Variants in PHACTR3 observed in about 807,000 individuals in gnomAD.
The protein encoded by PHACTR3 is protein phosphatase 1, regulatory subunit 123.
Under a neutral mutation model 66.8 loss-of-function variants are expected in PHACTR3, and 16 were observed. That is an observed-to-expected ratio of 0.24 (90% CI 0.16 to 0.36). PHACTR3 has a LOEUF of 0.36. Ranked by LOEUF, PHACTR3 falls within the 10% of genes least tolerant of loss-of-function variation. The pLI is 1.00. For synonymous variants in PHACTR3, 323 were observed against 292.1 expected (o/e 1.11, Z -1.08); for missense variants, 647 against 719.9 (o/e 0.90, Z 1.16).
intron 2 of PHACTR3, among the ~76,000 whole-genome samples, chr20:59,747,489 G>T (rs915645945): frequency 6.6e-6 from 1 of 152,210 alleles, no homozygotes; most frequent in Non-Finnish European, 1.5e-5. Context: ...CGTTATATGT[G>T]CAGGGGCTTT....
At position 59,666,812 on chromosome 20, in the gene PHACTR3, C is replaced by A. The variant is rs12480955; in HGVS notation, c.118+61680C>A. Reference sequence around the variant, plus strand: ...GGACATGCAGGGCAGGCTCGCGGTCCAGGTCCTGAGATCCAGAGAAGTCCC... The same window carrying A: ...GGACATGCAGGGCAGGCTCGCGGTCAAGGTCCTGAGATCCAGAGAAGTCCC... On this transcript the variant is annotated intron_variant, in intron 1 of 12. Transcript: ENST00000371015. Among the ~76,000 whole-genome samples, 9 of 152,324 alleles carry A rather than the reference C, an allele frequency of 5.9e-5. No individual in the cohort carries two copies. In the South Asian group the frequency reaches 1.4e-3, roughly 25 times the overall value.
chr20:59,787,251 C>T (rs2040945783), intron 7 of PHACTR3, among the ~76,000 whole-genome samples: 1 of 152,240 alleles, frequency 6.6e-6, no homozygotes, highest in African/African-American at 2.4e-5. Context: ...CACAGGCGTT[C>T]TCGCAGAGGA....
At chr20:59,769,435 G>A (rs574062998) in intron 5 of PHACTR3, among the ~76,000 whole-genome samples, 6 of 152,328 alleles carry the variant, frequency 3.9e-5, no homozygotes, top group Non-Finnish European at 5.9e-5. Flanking sequence ...TCCACAGAAC[G>A]CCAAGAATTT....
rs536203267 is a variant in PHACTR3, at chr20:59,782,170, C to T, written c.1174+7680C>T. Among the ~76,000 whole-genome samples the T allele has an allele frequency of 1.4e-4, 21 of 152,306 alleles. No individual in the cohort carries two copies. The East Asian group carries it at 4.1e-3, about 29-fold the overall frequency. On this transcript the variant is annotated intron_variant, in intron 7 of 12. Transcript: ENST00000371015. Reference sequence around the variant, plus strand: ...AAAGGTGTATTAGTCCGTTTTCACACTGCTGATAAAAACATACCTGAGACT... The same window carrying T: ...AAAGGTGTATTAGTCCGTTTTCACATTGCTGATAAAAACATACCTGAGACT...
chr20:59,809,324 C>T (rs966636856), intron 8 of PHACTR3, among the ~76,000 whole-genome samples: 1 of 152,112 alleles, frequency 6.6e-6, no homozygotes, highest in Non-Finnish European at 1.5e-5. Flanking sequence ...GTTGGGACAG[C>T]CCTGCCGCTC....
intron 1 of PHACTR3, among the ~76,000 whole-genome samples, chr20:59,693,572 T>C (rs2037186343): frequency 6.6e-6 from 1 of 152,220 alleles, no homozygotes; most frequent in African/African-American, 2.4e-5. Flanking sequence ...TGTCTGTAGC[T>C]TCACTACTTC....
At chr20:59,771,416 G>T (rs2040356293) in intron 5 of PHACTR3, among the ~76,000 whole-genome samples, 2 of 152,144 alleles carry the variant, frequency 1.3e-5, no homozygotes, top group South Asian at 4.1e-4. Context: ...TGCAGCCCCT[G>T]CCCTGCCTGG....
chr20:59,841,628 C>A, intron 11 of PHACTR3, 93 bp downstream of exon 11: 3 of 1,347,978 alleles, frequency 2.2e-6, no homozygotes, highest in Non-Finnish European at 3.0e-6. Flanking sequence ...ACAATGGGAG[C>A]CCTCAACTAT....
intron 1 of PHACTR3, 119 bp from the exon 2 acceptor site, chr20:59,742,988 G>A (rs1016387059): frequency 6.8e-6 from 8 of 1,175,370 alleles, no homozygotes; most frequent in African/African-American, 6.2e-5. Flanking sequence ...CCATCCTGGG[G>A]TCCAGGCTTT....
intron 1 of PHACTR3, among the ~76,000 whole-genome samples, chr20:59,695,267 T>G (rs2037255734): frequency 6.6e-6 from 1 of 152,186 alleles, no homozygotes. Context: ...AAGAGGGGCC[T>G]GGTGGGAGGT....
At chr20:59,782,397 G>T (rs2040754564) in intron 7 of PHACTR3, among the ~76,000 whole-genome samples, 1 of 152,108 alleles carries the variant, frequency 6.6e-6, no homozygotes. Context: ...GATTACAGGT[G>T]CATACCACCA....
At chr20:59,755,424 G>C in intron 4 of PHACTR3, 60 bp downstream of exon 4, 2 of 1,554,376 alleles carry the variant, frequency 1.3e-6, no homozygotes, top group Non-Finnish European at 1.7e-6. Flanking sequence ...CGTCCCCACT[G>C]TTGTCCTTGG....
At chr20:59,617,675 G>A (rs1478734361) in intron 1 of PHACTR3, among the ~76,000 whole-genome samples, 2 of 152,162 alleles carry the variant, frequency 1.3e-5, no homozygotes, top group Non-Finnish European at 2.9e-5. Flanking sequence ...CTGACATTCT[G>A]GGTGCCTGTG....
chr20:59,642,622 T>G (rs1254644857), intron 1 of PHACTR3, among the ~76,000 whole-genome samples: 1 of 152,266 alleles, frequency 6.6e-6, no homozygotes, highest in African/African-American at 2.4e-5. Context: ...TTTCCCATTC[T>G]GCTTTCATTG....
At chr20:59,679,171 G>A (rs1056686365) in intron 1 of PHACTR3, among the ~76,000 whole-genome samples, 3 of 152,258 alleles carry the variant, frequency 2.0e-5, no homozygotes, top group Admixed American at 6.5e-5. Flanking sequence ...TCCTGTCCAC[G>A]CGGTTGAAGA....
chr20:59,746,282 C>G (rs1302547137), intron 2 of PHACTR3, among the ~76,000 whole-genome samples: 1 of 152,242 alleles, frequency 6.6e-6, no homozygotes, highest in Admixed American at 6.5e-5. Context: ...CAACTGCCCC[C>G]CAGTCAGTCC....
chr20:59,619,091 G>A (rs2034141776), intron 1 of PHACTR3, among the ~76,000 whole-genome samples: 1 of 152,172 alleles, frequency 6.6e-6, no homozygotes, highest in Admixed American at 6.5e-5. Context: ...AGCAAATGTG[G>A]AAGGGAGAAT....
chr20:59,731,785 A>G (rs2038775084), intron 1 of PHACTR3, among the ~76,000 whole-genome samples: 1 of 152,202 alleles, frequency 6.6e-6, no homozygotes, highest in Non-Finnish European at 1.5e-5. Context: ...TGCCTTAGAC[A>G]GCTAGAAGAA....
intron 1 of PHACTR3, among the ~76,000 whole-genome samples, chr20:59,686,611 A>G (rs556703377): frequency 2.0e-3 from 295 of 150,248 alleles, no homozygotes; most frequent in African/African-American, 6.8e-3. Context: ...GATGGTGGTG[A>G]TGATGATGGT....
Sources: allele counts gnomAD v4.1 joint callset (sites outside exome capture counted in the v4.1 genomes callset), GRCh38; gene constraint gnomAD v4.1.1; transcripts MANE v1.5; gene names NCBI Gene and HGNC (gene_info 2026-07-23, HGNC 2026-07-21).